Variants in P4HA2 observed in about 807,000 individuals in gnomAD.
P4HA2 encodes the protein prolyl 4-hydroxylase subunit alpha 2, also known as prolyl 4-hydroxylase subunit alpha-2.
In P4HA2, 46 loss-of-function variants were observed where a neutral mutation model predicts 76.9. That is an observed-to-expected ratio of 0.60 (90% CI 0.47 to 0.76). The LOEUF (loss-of-function observed/expected upper bound fraction) is 0.76. P4HA2 is among the 30% of genes least tolerant of loss of function. P4HA2 has a pLI of 0.00. For missense variants in P4HA2, 583 were observed against 669.4 expected (o/e 0.87, Z 1.42); for synonymous variants, 243 against 254.0 (o/e 0.96, Z 0.41).
chr5:132,200,028 C>G (rs1026946157), intron 10 of P4HA2: 1 of 152,228 alleles, frequency 6.6e-6, no homozygotes, highest in Admixed American at 6.5e-5. Context: ...TAGCAAGACC[C>G]CATCTGTCTC....
At chr5:132,204,703 C>T (rs986333677) in intron 8 of P4HA2, among the ~76,000 whole-genome samples, 1 of 152,218 alleles carries the variant, frequency 6.6e-6, no homozygotes, top group Non-Finnish European at 1.5e-5. Flanking sequence ...CCTCAAGAAG[C>T]AAAGACAGAT....
In P4HA2 at chr5:132,204,164, G is replaced by A. The variant is rs199858891; in HGVS notation, c.1081-12C>T. On this transcript the variant is annotated splice_polypyrimidine_tract_variant and intron_variant, in intron 8 of 14. Transcript: ENST00000360568. ...GTGGCTCGTGCAAGCTAGAAGGAAG[G>A]AGGAGAGGGAAGACTTGATTTGTTT... 16 of 1,601,642 alleles carry A rather than the reference G, an allele frequency of 1.0e-5. No homozygotes were observed. Among genetic ancestry groups the A allele is most frequent in the Non-Finnish European group, 1.1e-5 (13 of 1,168,618 alleles).
intron 8 of P4HA2, among the ~76,000 whole-genome samples, chr5:132,206,339 C>T (rs1752214302): frequency 6.6e-6 from 1 of 152,076 alleles, no homozygotes; most frequent in Non-Finnish European, 1.5e-5. Flanking sequence ...TGGCTAGCCC[C>T]CTTCCTCAGC....
At chr5:132,205,758 C>G (rs1423798218) in intron 8 of P4HA2, among the ~76,000 whole-genome samples, 1 of 152,182 alleles carries the variant, frequency 6.6e-6, no homozygotes, top group Non-Finnish European at 1.5e-5. Flanking sequence ...ACTCATGGCC[C>G]TTCCTGAGCT....
At chr5:132,220,880 A>G (rs929605753) in intron 1 of P4HA2, among the ~76,000 whole-genome samples, 2 of 152,134 alleles carry the variant, frequency 1.3e-5, no homozygotes, top group African/African-American at 4.8e-5. Context: ...CTCTGGTGGG[A>G]GAAGGGGATA....
intron 1 of P4HA2, among the ~76,000 whole-genome samples, chr5:132,221,174 G>A (rs1417551255): frequency 6.6e-6 from 1 of 152,232 alleles, no homozygotes; most frequent in Non-Finnish European, 1.5e-5. Flanking sequence ...GTAGGTGAAA[G>A]TATGTGTACC....
At chr5:132,225,067 A>C (rs1396605758) in intron 1 of P4HA2, among the ~76,000 whole-genome samples, 2 of 151,824 alleles carry the variant, frequency 1.3e-5, no homozygotes, top group Non-Finnish European at 2.9e-5. Flanking sequence ...AAAAAAAAAA[A>C]AACTGTCTTT....
chr5:132,218,636 G>T lies in P4HA2; in HGVS notation c.-10C>A. ...ACACCCAGAGTTTCATGGTCACAGA[G>T]GGAAGTGTCTGAAAGGCATTCAATG... On this transcript the variant is annotated 5_prime_UTR_variant, in exon 2 of 15. Coordinates refer to ENST00000360568, the MANE Select transcript of P4HA2 (RefSeq NM_001017974.2). 1 of 1,608,114 alleles carries T rather than the reference G, an allele frequency of 6.2e-7. No homozygotes were observed. Among genetic ancestry groups the T allele is most frequent in the South Asian group, 1.1e-5 (1 of 90,908 alleles).
chr5:132,195,367 T>C lies in P4HA2; in HGVS notation c.1434+45A>G, dbSNP rs778721288. On this transcript the variant is annotated intron_variant, in intron 13 of 14. Transcript: ENST00000360568. ...ACTGGGGGACATGGACAAAGTAAAG[T>C]CTGAGCCTTGCTTCAACCTCTGACC... 7 of 1,391,942 alleles carry C rather than the reference T, an allele frequency of 5.0e-6. No homozygotes were observed. In the African/African-American group the frequency reaches 9.9e-5, roughly 20 times the overall value. The allele number at this position is 1,391,942 out of a possible 1,614,324, so 86.2% of individuals were successfully genotyped here. A position where few individuals can be genotyped will look rare whatever the true frequency, so the allele number is the denominator to read the frequency against.
intron 10 of P4HA2, 87 bp from the exon 11 acceptor site, chr5:132,199,019 C>T: frequency 1.1e-6 from 1 of 927,312 alleles, no homozygotes; most frequent in East Asian, 2.4e-5. Flanking sequence ...TCTTCCCAGG[C>T]CTGAAAACAA....
chr5:132,204,095 G>A lies in P4HA2; in HGVS notation c.1138C>T (p.Arg380Trp), dbSNP rs371295093. The change falls in exon 9 of 15, where the codon CGG becomes TGG. Residue 380 changes from arginine (R) to tryptophan (W), a missense_variant. Physicochemically the swap from Arg to Trp is moderately radical, Grantham distance 101. Transcript: ENST00000360568. ...KTGVLTVASYRVSKSSWLEED... is the reference protein window; with the variant it reads ...KTGVLTVASYWVSKSSWLEED... ...CTCTTTGCTTACCTTTTGGAAACCC[G>A]GTAGCTGGCGACAGTGAGGACTCCT... The A allele has an allele frequency of 8.7e-6, 14 of 1,613,572 alleles. No individual in the cohort carries two copies. Among genetic ancestry groups the A allele is most frequent in the African/African-American group, 4.0e-5 (3 of 74,920 alleles).
At chr5:132,217,397 C>T (rs1754062261) in intron 3 of P4HA2, 49 bp from the exon 4 acceptor site, 16 of 1,578,322 alleles carry the variant, frequency 1.0e-5, no homozygotes, top group Non-Finnish European at 1.4e-5. Flanking sequence ...CCACATAGGT[C>T]TTGACCTGTG....
At position 132,210,316 on chromosome 5, in the gene P4HA2, G is replaced by A. The variant is rs747868073; in HGVS notation, c.677C>T (p.Ala226Val). Residue 226 changes from alanine (A) to valine (V), a missense_variant, in exon 6 of 15, where the codon GCC becomes GTC. Physicochemically the swap from Ala to Val is moderately conservative, Grantham distance 64 (BLOSUM62 0). Coordinates refer to ENST00000360568, the MANE Select transcript of P4HA2 (RefSeq NM_001017974.2). ...AVFQLGDLHR[A>V]LELTRRLLSL... is the part of the protein sequence containing the mutation. The stretch of plus-strand genomic sequence containing the variant: ...GAGCAGGCGGCGGGTGAGCTCCAGG[G>A]CACGGTGCAGATCACCCAACTGGAA... 4 of 1,614,004 alleles carry A rather than the reference G, an allele frequency of 2.5e-6. No individual in the cohort carries two copies. The East Asian group carries it at 8.9e-5, about 36-fold the overall frequency.
chr5:132,218,534 T>C lies in P4HA2; in HGVS notation c.82+11A>G. On this transcript the variant is annotated intron_variant, in intron 2 of 14. Coordinates refer to ENST00000360568, the MANE Select transcript of P4HA2 (RefSeq NM_001017974.2). ...AGGTGTCAGGGAGACGACAGTCCTG[T>C]TGGCACGTACCAATAGAGGTGAAGA... The C allele has an allele frequency of 6.3e-7, 1 of 1,597,846 alleles. No homozygotes were observed. Among genetic ancestry groups the C allele is most frequent in the Non-Finnish European group, 8.6e-7 (1 of 1,165,516 alleles).
intron 7 of P4HA2, 33 bp downstream of exon 7, chr5:132,209,105 G>C: frequency 6.4e-7 from 1 of 1,554,392 alleles, no homozygotes. Context: ...CAGGTCCACA[G>C]CTTTGGCACC....
rs930664244 is a variant in P4HA2, at chr5:132,219,388, C to G, written c.-18-744G>C. On this transcript the variant is annotated intron_variant, in intron 1 of 14. Coordinates refer to ENST00000360568, the MANE Select transcript of P4HA2 (RefSeq NM_001017974.2). ...GGCACTGATCTAGGCACTCAGGATA[C>G]AAAAATGAATATGGCACACATGGCC... Among the ~76,000 whole-genome samples, 3 of 152,198 alleles carry G rather than the reference C, an allele frequency of 2.0e-5. No homozygotes were observed. In the South Asian group the frequency reaches 6.2e-4, roughly 32 times the overall value.
Position 132,198,339 on chromosome 5 carries a change from T to C in P4HA2, c.1347A>G (p.Leu449=), listed in dbSNP as rs202230111. The C allele has an allele frequency of 5.3e-5, 85 of 1,614,046 alleles. 2 individuals are homozygous for C. In the South Asian group the frequency reaches 9.2e-4, roughly 18 times the overall value. ...DSGLKTEGNR[L]ATFLNYMSDV... is the part of the protein sequence containing the mutation. ...TACTTACGTAGTTAAGAAACGTCGCTAACCTATTCCCCTCTGTTTTGAGGC... is the reference window on the plus strand; with the variant it reads ...TACTTACGTAGTTAAGAAACGTCGCCAACCTATTCCCCTCTGTTTTGAGGC... The change falls in exon 12 of 15, where the codon TTA becomes TTG. Residue 449 remains leucine (L), a synonymous_variant. Transcript: ENST00000360568.
At chr5:132,219,310 A>G (rs79599881) in intron 1 of P4HA2, among the ~76,000 whole-genome samples, 2,982 of 152,278 alleles carry the variant, frequency 0.02, 58 homozygotes, top group East Asian at 0.11. Flanking sequence ...CACTGTTCTC[A>G]CTGGCCCGTC....
rs1750421299 is a variant in P4HA2, at chr5:132,195,017, T to C, written c.1440A>G (p.Thr480=). ...LGAAIWPKKG[T]AVFWYNLLRS... is the part of the protein sequence containing the mutation. ...GCAAGAGGTTGTACCAGAACACAGC[T>C]GTACCCTGGGAAAGAGATGGCCTTT... Residue 480 remains threonine (T), a synonymous_variant, in exon 14 of 15, where the codon ACA becomes ACG. Transcript: ENST00000360568. 13 of 1,608,242 alleles carry C rather than the reference T, an allele frequency of 8.1e-6. No homozygotes were observed. Among genetic ancestry groups the C allele is most frequent in the Non-Finnish European group, 1.1e-5 (13 of 1,174,564 alleles).
Sources: allele counts gnomAD v4.1 joint callset (sites outside exome capture counted in the v4.1 genomes callset), GRCh38; gene constraint gnomAD v4.1.1; transcripts MANE v1.5; gene names NCBI Gene and HGNC (gene_info 2026-07-23, HGNC 2026-07-21).